PBX3: variants seen among roughly 807,000 people sequenced by gnomAD.
The protein encoded by PBX3 is PBX homeobox 3, also known as pre-B-cell leukemia transcription factor 3.
Under a neutral mutation model 48.5 loss-of-function variants are expected in PBX3, and 14 were observed. The observed-to-expected ratio is 0.29, with a 90% CI of 0.19 to 0.45. The LOEUF (loss-of-function observed/expected upper bound fraction) is 0.45, where lower values mean the gene tolerates loss of function less well. PBX3 is among the 20% of genes least tolerant of loss of function. PBX3 has a pLI of 1.00. For missense variants in PBX3, 386 were observed against 546.7 expected (o/e 0.71, Z 2.93); for synonymous variants, 210 against 200.3 (o/e 1.05, Z -0.41).
At chr9:125,951,268 GAGGTAGTGCCGTC>G (rs1417546577) in intron 5 of PBX3, among the ~76,000 whole-genome samples, 4 of 152,216 alleles carry the variant, frequency 2.6e-5, no homozygotes, top group Non-Finnish European at 5.9e-5. Context: ...AGAAGGGATA[GAGGTAGTGCCGTC>G]AGGTACTTGT....
At chr9:125,778,539 G>A (rs1296059628) in intron 2 of PBX3, among the ~76,000 whole-genome samples, 1 of 151,560 alleles carries the variant, frequency 6.6e-6, no homozygotes, top group Middle Eastern at 3.2e-3. Context: ...TTACAGGCGT[G>A]AGCCACTGCG....
chr9:125,765,107 A>G (rs1836768738), intron 2 of PBX3, among the ~76,000 whole-genome samples: 1 of 152,124 alleles, frequency 6.6e-6, no homozygotes, highest in Non-Finnish European at 1.5e-5. Flanking sequence ...GGTTCTTGTA[A>G]ATGGCATCGT....
intron 2 of PBX3, among the ~76,000 whole-genome samples, chr9:125,912,924 T>A (rs1360556410): frequency 6.6e-6 from 1 of 152,108 alleles, no homozygotes; most frequent in Non-Finnish European, 1.5e-5. Flanking sequence ...AGAAAGTTAG[T>A]AAACTAAGTA....
intron 2 of PBX3, among the ~76,000 whole-genome samples, chr9:125,854,701 T>G (rs1839675108): frequency 6.6e-6 from 1 of 152,222 alleles, no homozygotes; most frequent in African/African-American, 2.4e-5. Flanking sequence ...TTTCCCCATT[T>G]TCATAGTCAT....
At position 125,836,207 on chromosome 9, in the gene PBX3, A is replaced by G. The variant is rs546349748; in HGVS notation, c.275-79479A>G. ...ACGCCTGTAATCCAAGCACTTTGGG[A>G]GGCCGAGGCAGGTGGATCATGAGGT... On this transcript the variant is annotated intron_variant, in intron 2 of 8. Transcript: ENST00000373489. Among the ~76,000 whole-genome samples, 335 of 152,320 alleles carry G rather than the reference A, an allele frequency of 2.2e-3. 2 individuals are homozygous for G. The highest frequency in any genetic ancestry group is 7.6e-3 in the African/African-American group (318 of 41,582).
At chr9:125,840,079 A>T (rs1365817763) in intron 2 of PBX3, among the ~76,000 whole-genome samples, 2 of 152,016 alleles carry the variant, frequency 1.3e-5, no homozygotes, top group Non-Finnish European at 2.9e-5. Context: ...AATGTTTTTC[A>T]TGTTCACAGA....
At position 125,747,578 on chromosome 9, in the gene PBX3, G is replaced by T. The variant is rs771621196; in HGVS notation, c.125G>T (p.Arg42Met). Residue 42 changes from arginine to methionine, a missense_variant, in exon 1 of 9, where the codon AGG becomes ATG. Around this residue, in one of 4 missense-constraint regions of PBX3, gnomAD observed 116 missense variants for 98.2 expected, o/e 1.18. Coordinates refer to ENST00000373489, the MANE Select transcript of PBX3 (RefSeq NM_006195.6). ...CACGAAGGGGCGGACGGCGACGGCA[G>T]GAAGCAGGACATCGGCGACATCCTC... The part of the protein sequence containing the change: ...HGHEGADGDG[R>M]KQDIGDILHQ... 1 of 1,607,258 alleles carries T rather than the reference G, an allele frequency of 6.2e-7. No individual in the cohort carries two copies. The highest frequency in any genetic ancestry group is 1.1e-5 in the South Asian group (1 of 90,484).
intron 2 of PBX3, among the ~76,000 whole-genome samples, chr9:125,761,542 T>C (rs961210033): frequency 1.3e-5 from 2 of 152,094 alleles, no homozygotes; most frequent in Non-Finnish European, 2.9e-5. Context: ...GGCTTTTGTC[T>C]TGTCATGATG....
intron 2 of PBX3, among the ~76,000 whole-genome samples, chr9:125,798,393 C>T (rs1372187162): frequency 6.6e-6 from 1 of 152,084 alleles, no homozygotes; most frequent in Non-Finnish European, 1.5e-5. Context: ...ATACATTTTA[C>T]TGGCTTTTTC....
intron 5 of PBX3, among the ~76,000 whole-genome samples, chr9:125,940,146 T>C (rs978996241): frequency 6.6e-6 from 1 of 151,414 alleles, no homozygotes; most frequent in African/African-American, 2.4e-5. Context: ...ATCGTGCCAT[T>C]GCACTCCAGC....
intron 2 of PBX3, among the ~76,000 whole-genome samples, chr9:125,789,412 T>G (rs778548826): frequency 6.6e-5 from 10 of 152,164 alleles, no homozygotes; most frequent in Non-Finnish European, 1.5e-4. Context: ...GGGGGAGGGT[T>G]TGCCTCTCTG....
chr9:125,895,549 G>T (rs577134513), intron 2 of PBX3, among the ~76,000 whole-genome samples: 2 of 152,022 alleles, frequency 1.3e-5, no homozygotes, highest in South Asian at 4.2e-4. Context: ...CGAACTTTTG[G>T]TTTTTATACT....
intron 2 of PBX3, among the ~76,000 whole-genome samples, chr9:125,872,775 A>T (rs1840157352): frequency 6.6e-6 from 1 of 151,584 alleles, no homozygotes; most frequent in Admixed American, 6.6e-5. Context: ...AAGAAATAAA[A>T]ATATAATAAT....
At chr9:125,791,552 C>G (rs1047079728) in intron 2 of PBX3, among the ~76,000 whole-genome samples, 5 of 152,142 alleles carry the variant, frequency 3.3e-5, no homozygotes, top group African/African-American at 4.8e-5. Context: ...TGTAGCACCT[C>G]CCCCTGCCCT....
At chr9:125,890,355 A>T (rs1266243777) in intron 2 of PBX3, among the ~76,000 whole-genome samples, 1 of 152,190 alleles carries the variant, frequency 6.6e-6, no homozygotes, top group Admixed American at 6.5e-5. Context: ...ATCCTAACTT[A>T]ATGGTTGTGT....
chr9:125,870,717 G>A (rs1840101777), intron 2 of PBX3, among the ~76,000 whole-genome samples: 1 of 152,134 alleles, frequency 6.6e-6, no homozygotes, highest in African/African-American at 2.4e-5. Flanking sequence ...TTAAATCTTG[G>A]ATGTAAGTTA....
chr9:125,915,847 T>G lies in PBX3; in HGVS notation c.436T>G (p.Ser146Ala), dbSNP rs781521763. The change falls in exon 3 of 9, where the codon TCT (serine) becomes GCT (alanine). Residue 146 changes from serine (S) to alanine (A), a missense_variant. Ser to Ala is a moderately conservative substitution (Grantham distance 99). This residue lies in a region of PBX3 where 69 missense variants were observed against 99.1 expected (regional missense o/e 0.70). Coordinates refer to ENST00000373489, the MANE Select transcript of PBX3 (RefSeq NM_006195.6). Reference protein sequence around the residue: ...AAASGGSSDNSIEHSDYRAKL... With the variant: ...AAASGGSSDNAIEHSDYRAKL... ...AGCCTCTGGAGGTTCTTCAGATAACTCTATTGAACACTCAGATTACAGAGC... is the reference window on the plus strand; with the variant it reads ...AGCCTCTGGAGGTTCTTCAGATAACGCTATTGAACACTCAGATTACAGAGC... 3 of 1,614,034 alleles carry G rather than the reference T, an allele frequency of 1.9e-6. No individual in the cohort carries two copies. The highest frequency in any genetic ancestry group is 2.5e-6 in the Non-Finnish European group (3 of 1,180,000).
chr9:125,800,350 A>G (rs1837903074), intron 2 of PBX3, among the ~76,000 whole-genome samples: 1 of 152,208 alleles, frequency 6.6e-6, no homozygotes, highest in Non-Finnish European at 1.5e-5. Flanking sequence ...TATTTAGAGT[A>G]CCTCAGTGGT....
In PBX3 at chr9:125,849,107, C is replaced by T. The variant is rs187036803; in HGVS notation, c.275-66579C>T. Among the ~76,000 whole-genome samples the T allele has an allele frequency of 8.6e-5, 13 of 151,974 alleles. No homozygotes were observed. The East Asian group carries it at 2.1e-3, about 25-fold the overall frequency. ...CTCCAAGATGTTAATCAGCTTGCTC[C>T]GGATCACATGGCTAATAAGTGAGTG... On this transcript the variant is annotated intron_variant, in intron 2 of 8. Transcript: ENST00000373489.
Sources: allele counts gnomAD v4.1 joint callset (sites outside exome capture counted in the v4.1 genomes callset), GRCh38; gene constraint gnomAD v4.1.1; regional missense constraint gnomAD v4.1.1; transcripts MANE v1.5; gene names NCBI Gene and HGNC (gene_info 2026-07-23, HGNC 2026-07-21).